The following PSAT1 variants were observed in gnomAD, a reference collection of about 807,000 sequenced individuals.
The protein encoded by PSAT1 is phosphoserine aminotransferase.
In PSAT1, 41 loss-of-function variants were observed where a neutral mutation model predicts 40.3. The observed-to-expected ratio is 1.02, with a 90% CI of 0.79 to 1.32. The LOEUF (loss-of-function observed/expected upper bound fraction) is 1.32, where lower values mean the gene tolerates loss of function less well. Among genes scored for constraint, PSAT1 ranks in the 40% most tolerant of loss-of-function variants. The probability of loss-of-function intolerance (pLI) is 0.00; values close to 1 mark genes in which losing one functional copy is unlikely to be tolerated. For synonymous variants in PSAT1, 147 were observed against 170.5 expected (o/e 0.86, Z 1.07); for missense variants, 406 against 455.8 (o/e 0.89, Z 0.99).
At chr9:78,317,575 T>C in intron 6 of PSAT1, 101 bp from the exon 7 acceptor site, 5 of 1,344,764 alleles carry the variant, frequency 3.7e-6, no homozygotes, top group African/African-American at 1.4e-5. Context: ...AAATAATGTG[T>C]TTAAGTCTGT....
chr9:78,325,864 A>T (rs1564020098), intron 7 of PSAT1, among the ~76,000 whole-genome samples: 1 of 152,108 alleles, frequency 6.6e-6, no homozygotes, highest in Admixed American at 6.5e-5. Flanking sequence ...TCATGATAGG[A>T]TGGGTAAATT....
chr9:78,306,434 T>C lies in PSAT1; in HGVS notation c.518T>C (p.Leu173Pro). ...ATACCCGATGTCAAGGGAGCAGTAC[T>C]GGTTTGTGACATGTCCTCAAACTTC... ...DFIPDVKGAV[L>P]VCDMSSNFLS... The change falls in exon 5 of 9, where the codon CTG becomes CCG. Residue 173 changes from leucine to proline, a missense_variant. Physicochemically the swap from Leu to Pro is moderately conservative, Grantham distance 98 (BLOSUM62 -3). Transcript: ENST00000376588. The C allele has an allele frequency of 6.2e-7, 1 of 1,614,206 alleles. No homozygotes were observed.
intron 5 of PSAT1, among the ~76,000 whole-genome samples, chr9:78,307,811 G>C (rs752453042): frequency 3.9e-5 from 6 of 152,148 alleles, no homozygotes; most frequent in Non-Finnish European, 8.8e-5. Context: ...GGAGGCCGAG[G>C]AGGGTGGATC....
chr9:78,322,132 A>G (rs1828437487), intron 7 of PSAT1, among the ~76,000 whole-genome samples: 1 of 149,072 alleles, frequency 6.7e-6, no homozygotes, highest in Non-Finnish European at 1.5e-5. Flanking sequence ...AATTAATTAT[A>G]TAAGTATATA....
At chr9:78,321,497 A>G (rs1828428519) in intron 7 of PSAT1, among the ~76,000 whole-genome samples, 1 of 152,062 alleles carries the variant, frequency 6.6e-6, no homozygotes, top group Admixed American at 6.6e-5. Context: ...GCAATTTACC[A>G]CCACCTTTGC....
intron 3 of PSAT1, among the ~76,000 whole-genome samples, chr9:78,302,887 T>C (rs1233019166): frequency 1.3e-5 from 2 of 152,218 alleles, no homozygotes; most frequent in Non-Finnish European, 2.9e-5. Context: ...CGAAATCTCC[T>C]GGGTTATCTG....
chr9:78,306,320 C>A lies in PSAT1; in HGVS notation c.404C>A (p.Pro135Gln). Residue 135 changes from proline to glutamine, a missense_variant, in exon 5 of 9, where the codon CCA (proline) becomes CAA (glutamine). Coordinates refer to ENST00000376588, the MANE Select transcript of PSAT1 (RefSeq NM_058179.4). ...HPKLGSYTKI[P>Q]DPSTWNLNPD... is the part of the protein sequence containing the mutation. ...AACTTGTCTTCTGTGATAGAAATTC[C>A]AGATCCAAGCACCTGGAACCTCAAC... 3 of 1,612,126 alleles carry A rather than the reference C, an allele frequency of 1.9e-6. No individual in the cohort carries two copies. The highest frequency in any genetic ancestry group is 2.5e-6 in the Non-Finnish European group (3 of 1,179,864).
intron 7 of PSAT1, among the ~76,000 whole-genome samples, chr9:78,320,012 C>G (rs543133723): frequency 1.1e-4 from 16 of 151,794 alleles, no homozygotes; most frequent in African/African-American, 3.9e-4. Flanking sequence ...ATCCATCTGT[C>G]TACCCATTCA....
Position 78,317,779 on chromosome 9 carries a change from A to G in PSAT1, c.844A>G (p.Ile282Val). The part of the protein sequence containing the change: ...SIKSQTIYEI[I>V]DNSQGFYVCP... ...CAAATCTCAAACAATTTATGAGATTATTGATAATTCTCAAGGATTCTACGT... is the reference window on the plus strand; with the variant it reads ...CAAATCTCAAACAATTTATGAGATTGTTGATAATTCTCAAGGATTCTACGT... The change falls in exon 7 of 9, where the codon ATT becomes GTT. Residue 282 changes from isoleucine to valine, a missense_variant. By Grantham distance (29) the Ile-to-Val change is conservative. Transcript: ENST00000376588. The G allele has an allele frequency of 6.2e-7, 1 of 1,613,088 alleles. No homozygotes were observed. Among genetic ancestry groups the G allele is most frequent in the South Asian group, 1.1e-5 (1 of 91,030 alleles).
chr9:78,328,316 G>T, intron 8 of PSAT1, 128 bp downstream of exon 8: 1 of 1,108,422 alleles, frequency 9.0e-7, no homozygotes, highest in Non-Finnish European at 1.3e-6. Context: ...GGCCAACCCA[G>T]CTGTTATAAG....
intron 7 of PSAT1, 100 bp downstream of exon 7, chr9:78,317,904 A>C: frequency 7.2e-7 from 1 of 1,394,578 alleles, no homozygotes; most frequent in Non-Finnish European, 1.0e-6. Context: ...CCTTTCTCTG[A>C]GACATTAAAA....
At chr9:78,298,438 T>C (rs1166044469) in intron 1 of PSAT1, 4 of 985,198 alleles carry the variant, frequency 4.1e-6, no homozygotes, top group East Asian at 1.1e-4. Context: ...AAAGGACTTC[T>C]TACTTTTCTA....
intron 5 of PSAT1, among the ~76,000 whole-genome samples, chr9:78,306,849 CT>C (rs1828191809): frequency 6.6e-6 from 1 of 152,190 alleles, no homozygotes; most frequent in African/African-American, 2.4e-5. Flanking sequence ...GGAGCTTCCC[CT>C]TGCCTGGTAC....
chr9:78,322,025 T>C (rs1259504944), intron 7 of PSAT1, among the ~76,000 whole-genome samples: 1 of 152,014 alleles, frequency 6.6e-6, no homozygotes, highest in East Asian at 1.9e-4. Context: ...AAGCATTCCT[T>C]GCATGTTAGC....
intron 7 of PSAT1, among the ~76,000 whole-genome samples, chr9:78,324,963 T>G (rs4877587): frequency 0.49 from 74,536 of 151,724 alleles, 19,206 homozygotes; most frequent in Non-Finnish European, 0.58. Context: ...AAAGCTTTTT[T>G]TTTGTTTGTT....
chr9:78,323,176 A>C (rs1000161961), intron 7 of PSAT1, among the ~76,000 whole-genome samples: 15 of 152,324 alleles, frequency 9.8e-5, no homozygotes, highest in African/African-American at 2.9e-4. Context: ...GAGAAGGATG[A>C]AGCGGGTCTC....
chr9:78,329,454 AG>A lies in PSAT1; in HGVS notation c.*374del, dbSNP rs1174679828. 9.7e-6 allele frequency: 3 copies of A among 308,004 alleles called. No homozygotes were observed. Among genetic ancestry groups the A allele is most frequent in the South Asian group, 3.0e-5 (1 of 33,694 alleles). The allele number at this position is 308,004 out of a possible 1,614,324, so 19.1% of individuals were successfully genotyped here. Reference sequence around the variant, plus strand: ...CATGGGAACACACAGCACAGAGGGTAGGGGGGCCCTCTAGGTGCTGAATCTA... The same window carrying A: ...CATGGGAACACACAGCACAGAGGGTAGGGGGCCCTCTAGGTGCTGAATCTA... On this transcript the variant is annotated 3_prime_UTR_variant, in exon 9 of 9. Transcript: ENST00000376588.
At chr9:78,301,848 T>C in intron 2 of PSAT1, 106 bp from the exon 3 acceptor site, 1 of 870,110 alleles carries the variant, frequency 1.1e-6, no homozygotes, top group South Asian at 1.4e-5. Context: ...GCAGAATAAC[T>C]GAAATTTCCC....
chr9:78,317,206 T>C (rs1388147109), intron 6 of PSAT1, among the ~76,000 whole-genome samples: 2 of 152,214 alleles, frequency 1.3e-5, no homozygotes, highest in Admixed American at 1.3e-4. Context: ...CCTTGCTTGA[T>C]GACATGCTCT....
Sources: allele counts gnomAD v4.1 joint callset (sites outside exome capture counted in the v4.1 genomes callset), GRCh38; gene constraint gnomAD v4.1.1; transcripts MANE v1.5; gene names NCBI Gene and HGNC (gene_info 2026-07-23, HGNC 2026-07-21).